ZHX3: variants seen among roughly 807,000 people sequenced by gnomAD.
ZHX3 encodes the protein zinc fingers and homeoboxes 3.
A neutral mutation model predicts 64.5 loss-of-function variants in ZHX3; 20 were observed. The observed-to-expected ratio is 0.31, with a 90% confidence interval of 0.22 to 0.45. ZHX3 has a LOEUF of 0.45. Ranked by LOEUF, ZHX3 falls within the 20% of genes least tolerant of loss-of-function variation. ZHX3 has a pLI of 1.00. For synonymous variants in ZHX3, 423 were observed against 461.6 expected (o/e 0.92, Z 1.07); for missense variants, 1,041 against 1,195.8 (o/e 0.87, Z 1.91).
intron 2 of ZHX3, among the ~76,000 whole-genome samples, chr20:41,265,327 C>T (rs187162245): frequency 6.2e-4 from 94 of 151,970 alleles, no homozygotes; most frequent in Non-Finnish European, 7.4e-4. Flanking sequence ...CTCAGCCTCC[C>T]GAACAGCTGG....
At chr20:41,294,479 A>G (rs1264969756) in intron 1 of ZHX3, among the ~76,000 whole-genome samples, 2 of 152,096 alleles carry the variant, frequency 1.3e-5, no homozygotes, top group Non-Finnish European at 2.9e-5. Context: ...CTCCTGCCTC[A>G]GCCTCCCGAG....
rs2038323265 is a variant in ZHX3, at chr20:41,202,567, C to A, written c.2350G>T (p.Val784Phe). 6.2e-7 allele frequency: 1 copy of A among 1,614,070 alleles called. No homozygotes were observed. The highest frequency in any genetic ancestry group is 1.3e-5 in the African/African-American group (1 of 75,042). Residue 784 changes from valine to phenylalanine, a missense_variant, in exon 3 of 4, where the codon GTC (valine) becomes TTC (phenylalanine). Val to Phe is a conservative substitution (Grantham distance 50). Coordinates refer to ENST00000683867, the MANE Select transcript of ZHX3 (RefSeq NM_001384317.1). This position sits in a 1 kb window ranked among gnomAD's most constrained non-coding sequence, Gnocchi z 7.0. ...QQRHLLRQLFVQTQWPSNQDY... is the reference protein window; with the variant it reads ...QQRHLLRQLFFQTQWPSNQDY... ...TGGTTGCTTGGCCACTGTGTCTGGA[C>A]AAAGAGCTGCCGCAGCAAGTGCCGC...
At chr20:41,206,333 G>T (rs965335168) in intron 2 of ZHX3, among the ~76,000 whole-genome samples, 1 of 152,146 alleles carries the variant, frequency 6.6e-6, no homozygotes, top group Non-Finnish European at 1.5e-5. Flanking sequence ...GGCTTCAGAC[G>T]ATCAGTAATA....
At chr20:41,263,867 T>C (rs2042688931) in intron 2 of ZHX3, among the ~76,000 whole-genome samples, 1 of 152,182 alleles carries the variant, frequency 6.6e-6, no homozygotes, top group African/African-American at 2.4e-5. Context: ...CATCCTTTTG[T>C]ATTTTTTAAA....
rs1224687836 is a variant in ZHX3, at chr20:41,219,488, GC to G, written c.-150-14423del. On this transcript the variant is annotated intron_variant, in intron 2 of 3. Coordinates refer to ENST00000683867, the MANE Select transcript of ZHX3 (RefSeq NM_001384317.1). This position sits in a 1 kb window ranked among gnomAD's most constrained non-coding sequence, Gnocchi z 5.0. ...ACCTGAAGATCTCCAAAGATAGGGA[GC>G]TTGGCACTTATTGACACTAGAAAGA... 2.0e-5 allele frequency among the ~76,000 whole-genome samples: 3 copies of G among 152,222 alleles called. No individual in the cohort carries two copies. Among genetic ancestry groups the G allele is most frequent in the Non-Finnish European group, 4.4e-5 (3 of 68,046 alleles).
intron 1 of ZHX3, among the ~76,000 whole-genome samples, chr20:41,300,473 G>T (rs2044760032): frequency 6.6e-6 from 1 of 152,178 alleles, no homozygotes; most frequent in African/African-American, 2.4e-5. Context: ...CACCTGAACT[G>T]GAGAAAGCAA....
intron 1 of ZHX3, among the ~76,000 whole-genome samples, chr20:41,293,425 G>C (rs573939369): frequency 1.4e-4 from 21 of 152,222 alleles, no homozygotes; most frequent in Middle Eastern, 3.4e-3. Context: ...TAAGGATATT[G>C]AAGAACCCTC....
At chr20:41,264,385 CAAAAAAAAAAAAAAA>C (rs1165922837) in intron 2 of ZHX3, among the ~76,000 whole-genome samples, 2 of 74,502 alleles carry the variant, frequency 2.7e-5, no homozygotes, top group African/African-American at 1.0e-4. Flanking sequence ...ACCAAAAATA[CAAAAAAAAAAAAAAA>C]AAAAAAAAGT....
At chr20:41,290,005 A>G (rs2044148093) in intron 1 of ZHX3, among the ~76,000 whole-genome samples, 1 of 152,238 alleles carries the variant, frequency 6.6e-6, no homozygotes, top group African/African-American at 2.4e-5. Flanking sequence ...AAGATAACCA[A>G]TTTGAAAGGA....
chr20:41,241,768 C>T (rs1395883695), intron 2 of ZHX3, among the ~76,000 whole-genome samples: 3 of 152,038 alleles, frequency 2.0e-5, no homozygotes, highest in Non-Finnish European at 4.4e-5. Flanking sequence ...GAATTGTTTT[C>T]TCTATTTCTG....
At chr20:41,213,119 T>C (rs984019669) in intron 2 of ZHX3, among the ~76,000 whole-genome samples, 1 of 152,228 alleles carries the variant, frequency 6.6e-6, no homozygotes, top group African/African-American at 2.4e-5. Context: ...ACATACTGTA[T>C]GATTCCCATT....
chr20:41,298,947 T>G (rs79009553), intron 1 of ZHX3, among the ~76,000 whole-genome samples: 2 of 146,404 alleles, frequency 1.4e-5, no homozygotes, highest in Non-Finnish European at 3.0e-5. Context: ...ACTGTTCTTG[T>G]GCTAACCAAG....
chr20:41,260,913 C>G (rs1370411830), intron 2 of ZHX3, among the ~76,000 whole-genome samples: 1 of 152,206 alleles, frequency 6.6e-6, no homozygotes, highest in Non-Finnish European at 1.5e-5. Context: ...TGGTTCCGGG[C>G]CCATGCTCTT....
At chr20:41,207,143 G>A (rs2038779238) in intron 2 of ZHX3, among the ~76,000 whole-genome samples, 4 of 152,174 alleles carry the variant, frequency 2.6e-5, no homozygotes, top group Non-Finnish European at 5.9e-5. Flanking sequence ...AAGAGCTCCT[G>A]AAGGAAGCAC....
chr20:41,247,048 C>T (rs2041736867), intron 2 of ZHX3, among the ~76,000 whole-genome samples: 1 of 151,768 alleles, frequency 6.6e-6, no homozygotes, highest in Admixed American at 6.6e-5. Flanking sequence ...ATCGCTTGAG[C>T]CTAGGAGTTT....
At chr20:41,221,023 G>A (rs6124331) in intron 2 of ZHX3, among the ~76,000 whole-genome samples, 32,620 of 151,530 alleles carry the variant, frequency 0.22, 3,627 homozygotes, top group South Asian at 0.28. Flanking sequence ...TGATTTTTTG[G>A]AAAAAAAGAA....
chr20:41,308,486 T>C (rs547959511), intron 1 of ZHX3, among the ~76,000 whole-genome samples: 12 of 152,364 alleles, frequency 7.9e-5, no homozygotes, highest in Admixed American at 2.0e-4. Context: ...TCAAGGTCCA[T>C]AGCAACCACT....
chr20:41,187,527 AAG>A (rs1200572417), intron 3 of ZHX3, among the ~76,000 whole-genome samples: 4 of 152,214 alleles, frequency 2.6e-5, no homozygotes, highest in Admixed American at 2.6e-4. Flanking sequence ...TTTTGGTGAA[AAG>A]ACTGTCTTTT....
intron 1 of ZHX3, among the ~76,000 whole-genome samples, chr20:41,272,574 T>C (rs1346602878): frequency 2.0e-5 from 3 of 152,230 alleles, no homozygotes; most frequent in Non-Finnish European, 4.4e-5. Context: ...TAATATGCTT[T>C]ATGTCTCCAT....
Sources: gnomAD v4.1 joint callset for allele counts (sites outside exome capture counted in the v4.1 genomes callset) on GRCh38, gnomAD v4.1.1 for gene constraint, Gnocchi (gnomAD v3.1) non-coding constraint, MANE v1.5 for transcripts, NCBI Gene and HGNC (gene_info 2026-07-23, HGNC 2026-07-21) for gene names.